The following POF1B variants were observed in gnomAD, a reference collection of about 807,000 sequenced individuals.
POF1B encodes the protein POF1B actin binding protein.
A neutral mutation model predicts 55.3 loss-of-function variants in POF1B; 53 were observed. The observed-to-expected ratio is 0.96, with a 90% confidence interval of 0.77 to 1.20. The LOEUF (loss-of-function observed/expected upper bound fraction) is 1.20, where lower values mean the gene tolerates loss of function less well. Ranked by LOEUF, POF1B falls within the 50% of genes most tolerant of loss-of-function variation. The pLI, the probability that POF1B is intolerant of heterozygous loss-of-function variation, is 0.00. For missense variants in POF1B, 478 were observed against 420.5 expected, an observed-to-expected ratio of 1.14 and a Z score of -1.20; for synonymous variants, 188 against 148.3, an observed-to-expected ratio of 1.27 and a Z score of -1.95.
chrX:85,315,242 T>C (rs892256729), intron 8 of POF1B, among the ~76,000 whole-genome samples: 1 of 111,772 alleles, frequency 8.9e-6, no homozygotes, highest in Non-Finnish European at 1.9e-5. Context: ...AATAGATTAA[T>C]ACTTGAAAAT....
chrX:85,333,528 C>T (rs2086893914), intron 6 of POF1B, among the ~76,000 whole-genome samples: 1 of 110,913 alleles, frequency 9.0e-6, no homozygotes, highest in African/African-American at 3.3e-5. Context: ...TAGAAATGCC[C>T]CCAAGTGCTA....
chrX:85,330,316 G>A (rs1932954657), intron 7 of POF1B, among the ~76,000 whole-genome samples: 1 of 110,531 alleles, frequency 9.0e-6, no homozygotes, highest in South Asian at 3.7e-4. Context: ...TTAATTTAAT[G>A]TAATAGATAA....
chrX:85,322,123 C>A (rs953208221), intron 7 of POF1B, among the ~76,000 whole-genome samples: 2 of 111,071 alleles, frequency 1.8e-5, no homozygotes, highest in African/African-American at 6.5e-5. Flanking sequence ...CAAAAAAGAG[C>A]CCGCATCGCC....
chrX:85,294,800 T>C (rs1474805939), intron 15 of POF1B, among the ~76,000 whole-genome samples: 1 of 112,076 alleles, frequency 8.9e-6, no homozygotes, highest in Admixed American at 9.5e-5. Context: ...ATAGCAATTC[T>C]TCCTTGTATG....
intron 7 of POF1B, among the ~76,000 whole-genome samples, chrX:85,318,589 G>A (rs1023155458): frequency 1.8e-5 from 2 of 111,561 alleles, no homozygotes; most frequent in African/African-American, 6.5e-5. Flanking sequence ...TCTGCATATG[G>A]CTAACCAGTT....
rs1932592457 is a variant in POF1B, at chrX:85,307,193, T to C, written c.1134A>G (p.Ala378=). The C allele has an allele frequency of 9.1e-6, 11 of 1,207,139 alleles. No homozygotes were observed. In the East Asian group the frequency reaches 3.3e-4, roughly 36 times the overall value. ...GCTGGTGATTATTTGCTCTCACTGATGCCAAGAGTTCTTCGTACTCTTTTA... is the reference window on the plus strand; with the variant it reads ...GCTGGTGATTATTTGCTCTCACTGACGCCAAGAGTTCTTCGTACTCTTTTA... ...TQLKEYEELL[A]SVRANNHQQQ... The change falls in exon 11 of 17, where the codon GCA becomes GCG. Residue 378 remains alanine, a synonymous_variant. Coordinates refer to ENST00000262753, the MANE Select transcript of POF1B (RefSeq NM_024921.4).
At chrX:85,375,959 A>G (rs767764179) in intron 2 of POF1B, among the ~76,000 whole-genome samples, 1 of 111,296 alleles carries the variant, frequency 9.0e-6, no homozygotes, top group South Asian at 3.8e-4. Context: ...TCACAACACA[A>G]AATACTCCTT....
intron 2 of POF1B, among the ~76,000 whole-genome samples, chrX:85,370,767 C>A (rs771352289): frequency 9.0e-6 from 1 of 111,136 alleles, no homozygotes; most frequent in African/African-American, 3.3e-5. Flanking sequence ...ATTGACCATT[C>A]CATAGAAAGT....
At chrX:85,284,421 G>A (rs993616098) in intron 15 of POF1B, among the ~76,000 whole-genome samples, 19 of 111,937 alleles carry the variant, frequency 1.7e-4, no homozygotes, top group African/African-American at 5.5e-4. Context: ...CAATGCTACA[G>A]TAACCAAAAC....
intron 8 of POF1B, among the ~76,000 whole-genome samples, chrX:85,315,215 A>C (rs1387719668): frequency 1.8e-5 from 2 of 111,912 alleles, no homozygotes; most frequent in Non-Finnish European, 3.8e-5. Flanking sequence ...AAAGCAATTA[A>C]GATAATATGC....
chrX:85,331,478 A>G (rs1207391248), intron 6 of POF1B, among the ~76,000 whole-genome samples: 1 of 111,419 alleles, frequency 9.0e-6, no homozygotes, highest in Non-Finnish European at 1.9e-5. Context: ...AAAAGTACAT[A>G]TTTATGAGTT....
intron 3 of POF1B, among the ~76,000 whole-genome samples, chrX:85,363,517 C>T (rs1933663910): frequency 9.0e-6 from 1 of 111,625 alleles, no homozygotes; most frequent in Admixed American, 9.6e-5. Context: ...AAAAGTCACT[C>T]AAGAGCATGT....
At chrX:85,315,289 T>C (rs768404569) in intron 8 of POF1B, among the ~76,000 whole-genome samples, 1 of 111,431 alleles carries the variant, frequency 9.0e-6, no homozygotes, top group East Asian at 2.8e-4. Flanking sequence ...ATGGCACATA[T>C]AAGGTTTTGA....
chrX:85,334,990 T>G (rs1228418010), intron 6 of POF1B, among the ~76,000 whole-genome samples: 1 of 111,351 alleles, frequency 9.0e-6, no homozygotes, highest in Non-Finnish European at 1.9e-5. Flanking sequence ...GAACAAACAT[T>G]TGTGAGAATG....
At chrX:85,340,748 T>A (rs186321250) in intron 6 of POF1B, among the ~76,000 whole-genome samples, 1 of 110,550 alleles carries the variant, frequency 9.0e-6, no homozygotes, top group African/African-American at 3.3e-5. Context: ...TAGAGAGTGA[T>A]AATTCAAACC....
chrX:85,375,376 C>G (rs1240568259), intron 2 of POF1B, among the ~76,000 whole-genome samples: 5 of 111,503 alleles, frequency 4.5e-5, no homozygotes, highest in Non-Finnish European at 7.5e-5. Flanking sequence ...TCTTGCCACA[C>G]ACACACCGTG....
chrX:85,290,075 A>T (rs1455658105), intron 15 of POF1B, among the ~76,000 whole-genome samples: 1 of 111,423 alleles, frequency 9.0e-6, no homozygotes, highest in Non-Finnish European at 1.9e-5. Context: ...AGTAGTGAAC[A>T]TGGTACCCAT....
Position 85,279,245 on chromosome X carries a change from T to C in POF1B, c.*176A>G. ...ATGGAAAAGATTTAGGTCTCATAAA[T>C]GGGTGAAGAAATTGTCATCTACAGA... On this transcript the variant is annotated 3_prime_UTR_variant, in exon 17 of 17. Transcript: ENST00000262753. 1 of 443,149 alleles carries C rather than the reference T, an allele frequency of 2.3e-6. No homozygotes were observed. The highest frequency in any genetic ancestry group is 3.6e-5 in the East Asian group (1 of 27,721). 36.5% of individuals were successfully genotyped at this position (443,149 alleles called of 1,213,427 possible).
At chrX:85,296,448 C>A (rs946683099) in intron 15 of POF1B, among the ~76,000 whole-genome samples, 1 of 111,737 alleles carries the variant, frequency 8.9e-6, no homozygotes, top group Non-Finnish European at 1.9e-5. Context: ...ATAATAAATT[C>A]CCTTAGTGTT....
Sources: gnomAD v4.1 joint callset for allele counts (sites outside exome capture counted in the v4.1 genomes callset) on GRCh38, gnomAD v4.1.1 for gene constraint, MANE v1.5 for transcripts, NCBI Gene and HGNC (gene_info 2026-07-23, HGNC 2026-07-21) for gene names.